The following PDE4D variants were observed in gnomAD, a reference collection of about 807,000 sequenced individuals.
PDE4D encodes the protein 3',5'-cyclic-AMP phosphodiesterase 4D.
Under a neutral mutation model 87.4 loss-of-function variants are expected in PDE4D, and 24 were observed. That is an observed-to-expected ratio of 0.27 (90% CI 0.20 to 0.39). PDE4D has a LOEUF of 0.39. Among genes scored for constraint, PDE4D ranks in the 10% least tolerant of loss-of-function variants. PDE4D has a pLI of 1.00. For synonymous variants in PDE4D, 384 were observed against 383.2 expected (o/e 1.00, Z -0.02); for missense variants, 714 against 1,041.0 (o/e 0.69, Z 4.32).
At position 59,214,764 on chromosome 5, in the gene PDE4D, C is replaced by T. The variant is rs557993252; in HGVS notation, c.647+1013G>A. 4.0e-4 allele frequency among the ~76,000 whole-genome samples: 61 copies of T among 152,202 alleles called. No homozygotes were observed. In the South Asian group the frequency reaches 0.012, roughly 31 times the overall value. On this transcript the variant is annotated intron_variant, in intron 2 of 14. Coordinates refer to ENST00000340635, the MANE Select transcript of PDE4D (RefSeq NM_001104631.2). The stretch of plus-strand genomic sequence containing the variant: ...AGGGTAGACGTCAATAATACAACTG[C>T]TAAAATAGCAACCATAGTTTGTAAA...
At chr5:60,312,748 C>T (rs1017874094) in intron 1 of PDE4D, among the ~76,000 whole-genome samples, 4 of 152,090 alleles carry the variant, frequency 2.6e-5, no homozygotes, top group African/African-American at 9.7e-5. Context: ...CAGAGCCAAA[C>T]CATTTCATCA....
At chr5:59,817,920 G>A (rs538084385) in intron 1 of PDE4D, among the ~76,000 whole-genome samples, 1 of 152,136 alleles carries the variant, frequency 6.6e-6, no homozygotes, top group African/African-American at 2.4e-5. Flanking sequence ...ACCCCATCTG[G>A]TGTTTTGCTT....
chr5:59,228,450 AAC>A, intron 1 of PDE4D, among the ~76,000 whole-genome samples: 1 of 149,898 alleles, frequency 6.7e-6, no homozygotes, highest in South Asian at 2.1e-4. Context: ...AAAAAAAAAA[AAC>A]AAGCAAGCAA....
chr5:59,887,137 C>A (rs913555086), intron 1 of PDE4D, among the ~76,000 whole-genome samples: 14 of 152,064 alleles, frequency 9.2e-5, no homozygotes, highest in Middle Eastern at 6.8e-3. Flanking sequence ...TGCCACAGAC[C>A]AGAGACAACT....
chr5:59,556,282 A>C (rs1395512669), intron 1 of PDE4D, among the ~76,000 whole-genome samples: 2 of 152,118 alleles, frequency 1.3e-5, no homozygotes, highest in African/African-American at 4.8e-5. Flanking sequence ...TTCTATTTAC[A>C]TTTTTTATTC....
intron 1 of PDE4D, among the ~76,000 whole-genome samples, chr5:60,401,428 A>G (rs1442585636): frequency 6.6e-6 from 1 of 152,230 alleles, no homozygotes; most frequent in Non-Finnish European, 1.5e-5. Flanking sequence ...AGTCTACTCA[A>G]TTGCTGAAGC....
chr5:59,920,517 A>G (rs927049497), intron 3 of PDE4D, among the ~76,000 whole-genome samples: 6 of 152,116 alleles, frequency 3.9e-5, no homozygotes, highest in Admixed American at 2.0e-4. Flanking sequence ...TTTTTCGTCT[A>G]CCTGGCTTTG....
At chr5:60,385,375 A>G (rs1405017220) in intron 1 of PDE4D, among the ~76,000 whole-genome samples, 1 of 152,240 alleles carries the variant, frequency 6.6e-6, no homozygotes, top group Non-Finnish European at 1.5e-5. Flanking sequence ...AGGGGTGAAG[A>G]ATCTGAGCTA....
At chr5:59,612,358 AAT>A (rs776594426) in intron 1 of PDE4D, among the ~76,000 whole-genome samples, 374 of 152,192 alleles carry the variant, frequency 2.5e-3, no homozygotes, top group Non-Finnish European at 3.7e-3. Flanking sequence ...ATCGTATTTG[AAT>A]ATAAATATGG....
intron 5 of PDE4D, among the ~76,000 whole-genome samples, chr5:59,064,439 A>T (rs1258312614): frequency 6.6e-6 from 1 of 152,080 alleles, no homozygotes; most frequent in Non-Finnish European, 1.5e-5. Context: ...GCTAGACTAC[A>T]TAGCCTCCTA....
chr5:59,064,266 T>C (rs1763560199), intron 5 of PDE4D, among the ~76,000 whole-genome samples: 1 of 152,076 alleles, frequency 6.6e-6, no homozygotes, highest in African/African-American at 2.4e-5. Flanking sequence ...TAAACTTTGC[T>C]AAAATACACT....
intron 5 of PDE4D, among the ~76,000 whole-genome samples, chr5:59,170,566 G>A (rs1003051238): frequency 6.6e-6 from 1 of 152,080 alleles, no homozygotes; most frequent in African/African-American, 2.4e-5. Flanking sequence ...AATGTAAAAT[G>A]GTAAACCTAT....
intron 1 of PDE4D, among the ~76,000 whole-genome samples, chr5:60,309,864 C>G (rs1352238987): frequency 3.9e-5 from 6 of 152,074 alleles, no homozygotes; most frequent in Admixed American, 2.6e-4. Context: ...AGCATAAGAC[C>G]TAGATACTAT....
At chr5:59,719,844 G>A (rs1755573306) in intron 1 of PDE4D, among the ~76,000 whole-genome samples, 1 of 152,136 alleles carries the variant, frequency 6.6e-6, no homozygotes, top group Admixed American at 6.5e-5. Flanking sequence ...TATTGGGGAT[G>A]CCATCTTTAT....
At chr5:59,071,355 T>A (rs879404989) in intron 5 of PDE4D, among the ~76,000 whole-genome samples, 32 of 152,198 alleles carry the variant, frequency 2.1e-4, no homozygotes, top group Middle Eastern at 3.4e-3. Flanking sequence ...AATTTCTGAT[T>A]TTAGATGTTA....
chr5:59,237,447 A>G (rs568993012), intron 1 of PDE4D, among the ~76,000 whole-genome samples: 1 of 152,188 alleles, frequency 6.6e-6, no homozygotes, highest in African/African-American at 2.4e-5. Context: ...CATTTTATTG[A>G]TAATGAAACT....
At chr5:60,252,864 G>T (rs1008685019) in intron 1 of PDE4D, among the ~76,000 whole-genome samples, 3 of 151,672 alleles carry the variant, frequency 2.0e-5, no homozygotes, top group Non-Finnish European at 4.4e-5. Context: ...GCCACATCTC[G>T]AGGGAAGAGC....
chr5:59,786,759 G>C (rs1765219501), intron 1 of PDE4D, among the ~76,000 whole-genome samples: 1 of 152,138 alleles, frequency 6.6e-6, no homozygotes, highest in South Asian at 2.1e-4. Context: ...CCAACCAAGT[G>C]AAATACGGGA....
At chr5:60,365,659 G>C (rs1760461957) in intron 1 of PDE4D, among the ~76,000 whole-genome samples, 1 of 152,184 alleles carries the variant, frequency 6.6e-6, no homozygotes, top group African/African-American at 2.4e-5. Context: ...CTTGTACCAA[G>C]GGCGCTGAGA....
Sources: allele counts gnomAD v4.1 joint callset (sites outside exome capture counted in the v4.1 genomes callset), GRCh38; gene constraint gnomAD v4.1.1; transcripts MANE v1.5; gene names NCBI Gene and HGNC (gene_info 2026-07-23, HGNC 2026-07-21).